JMJD1C: variants seen among roughly 807,000 people sequenced by gnomAD.
The protein encoded by JMJD1C is jumonji domain-containing protein 1C.
A neutral mutation model predicts 245.3 loss-of-function variants in JMJD1C; 31 were observed. The ratio of observed to expected loss-of-function variants is 0.13; its 90% CI spans 0.09 to 0.17. JMJD1C has a LOEUF of 0.17. Among genes scored for constraint, JMJD1C ranks in the 10% least tolerant of loss-of-function variants. The pLI is 1.00. For synonymous variants in JMJD1C, 1,057 were observed against 1,017.4 expected, an observed-to-expected ratio of 1.04 and a Z score of -0.74; for missense variants, 2,691 against 3,000.2, an observed-to-expected ratio of 0.90 and a Z score of 2.41.
At chr10:63,236,002 G>C (rs915056506) in intron 3 of JMJD1C, among the ~76,000 whole-genome samples, 1 of 152,000 alleles carries the variant, frequency 6.6e-6, no homozygotes, top group African/African-American at 2.4e-5. Context: ...GACTAGAAAT[G>C]GATATCATAA....
intron 2 of JMJD1C, among the ~76,000 whole-genome samples, chr10:63,288,898 TAATAATAATA>T (rs374155917): frequency 2.6e-5 from 2 of 78,428 alleles, no homozygotes; most frequent in African/African-American, 8.9e-5. Flanking sequence ...ACAATAATAA[TAATAATAATA>T]ATAATAATAA....
chr10:63,292,420 G>T (rs554367519), intron 2 of JMJD1C, among the ~76,000 whole-genome samples: 1 of 151,838 alleles, frequency 6.6e-6, no homozygotes, highest in East Asian at 1.9e-4. Flanking sequence ...AGACCAGCGT[G>T]GCCAACATGG....
intron 2 of JMJD1C, among the ~76,000 whole-genome samples, chr10:63,293,327 T>G (rs1403447093): frequency 6.6e-6 from 1 of 152,156 alleles, no homozygotes; most frequent in African/African-American, 2.4e-5. Flanking sequence ...ATAAGTAGTG[T>G]GTAGAACCAA....
intron 1 of JMJD1C, chr10:63,427,514 A>G: frequency 7.5e-7 from 1 of 1,338,258 alleles, no homozygotes; most frequent in Admixed American, 1.7e-5. Flanking sequence ...TTTCCTGCCA[A>G]TGTTCTTCAT....
At chr10:63,391,347 A>G (rs1253910484) in intron 1 of JMJD1C, among the ~76,000 whole-genome samples, 2 of 152,068 alleles carry the variant, frequency 1.3e-5, no homozygotes, top group Non-Finnish European at 2.9e-5. Flanking sequence ...CGTCTCTACT[A>G]AAAATACAAA....
chr10:63,249,697 A>G (rs1852776942), intron 3 of JMJD1C, among the ~76,000 whole-genome samples: 2 of 151,764 alleles, frequency 1.3e-5, no homozygotes, highest in South Asian at 4.2e-4. Context: ...CGTCTCTACT[A>G]AAAAATACAA....
chr10:63,457,191 G>A (rs1447576762), intron 1 of JMJD1C, among the ~76,000 whole-genome samples: 4 of 152,100 alleles, frequency 2.6e-5, no homozygotes, highest in Non-Finnish European at 5.9e-5. Flanking sequence ...TGAAAAGAAT[G>A]GAGACGGGAA....
At chr10:63,260,751 G>T (rs1854605706) in intron 3 of JMJD1C, among the ~76,000 whole-genome samples, 1 of 75,916 alleles carries the variant, frequency 1.3e-5, no homozygotes, top group Non-Finnish European at 4.3e-5. Flanking sequence ...CACCACGCCG[G>T]TTAATTTTTT....
At chr10:63,485,540 G>A (rs753629599) in intron 1 of JMJD1C, among the ~76,000 whole-genome samples, 1 of 151,970 alleles carries the variant, frequency 6.6e-6, no homozygotes, top group African/African-American at 2.4e-5. Flanking sequence ...GAGTGACATC[G>A]TATCCTAGAA....
intron 2 of JMJD1C, among the ~76,000 whole-genome samples, chr10:63,375,600 G>A (rs574531203): frequency 1.3e-5 from 2 of 151,914 alleles, no homozygotes; most frequent in South Asian, 4.2e-4. Flanking sequence ...ACCCAGGCTT[G>A]AGTGCAATGA....
intron 10 of JMJD1C, chr10:63,204,873 A>G: frequency 1.0e-6 from 1 of 985,390 alleles, no homozygotes; most frequent in Non-Finnish European, 1.2e-6. Context: ...CATGTGGGAA[A>G]ACCTCATTCA....
At chr10:63,173,922 C>A (rs1842633891) in intron 24 of JMJD1C, among the ~76,000 whole-genome samples, 1 of 151,890 alleles carries the variant, frequency 6.6e-6, no homozygotes, top group Admixed American at 6.6e-5. Context: ...ATACAGATGG[C>A]AAATGAAGAT....
At chr10:63,520,242 T>A (rs565571904) in intron 1 of JMJD1C, among the ~76,000 whole-genome samples, 1 of 152,166 alleles carries the variant, frequency 6.6e-6, no homozygotes, top group Non-Finnish European at 1.5e-5. Flanking sequence ...GTGCCTCATA[T>A]CACCCTTGAA....
intron 3 of JMJD1C, among the ~76,000 whole-genome samples, chr10:63,221,345 T>C (rs1848575887): frequency 6.6e-6 from 1 of 152,190 alleles, no homozygotes; most frequent in African/African-American, 2.4e-5. Flanking sequence ...GGCACTACTC[T>C]GTATTTTTAG....
chr10:63,342,747 C>G (rs1000105409), intron 2 of JMJD1C, among the ~76,000 whole-genome samples: 1 of 152,112 alleles, frequency 6.6e-6, no homozygotes, highest in South Asian at 2.1e-4. Flanking sequence ...GATTACTTAT[C>G]AATAGCATAT....
At chr10:63,367,603 T>C (rs1945963412) in intron 2 of JMJD1C, among the ~76,000 whole-genome samples, 1 of 152,134 alleles carries the variant, frequency 6.6e-6, no homozygotes, top group African/African-American at 2.4e-5. Context: ...CTAAGAAAAA[T>C]CTAACTTCAA....
intron 1 of JMJD1C, among the ~76,000 whole-genome samples, chr10:63,396,656 T>C (rs1948508662): frequency 6.6e-6 from 1 of 152,198 alleles, no homozygotes; most frequent in African/African-American, 2.4e-5. Flanking sequence ...GTTTAGGATA[T>C]GGAATCTTAT....
At chr10:63,519,082 G>C (rs1380056992) in intron 1 of JMJD1C, among the ~76,000 whole-genome samples, 1 of 152,206 alleles carries the variant, frequency 6.6e-6, no homozygotes, top group Non-Finnish European at 1.5e-5. Flanking sequence ...CACATAGTAG[G>C]TGGTTTCCAA....
At chr10:63,284,367 T>A (rs142982112) in intron 2 of JMJD1C, among the ~76,000 whole-genome samples, 1 of 152,120 alleles carries the variant, frequency 6.6e-6, no homozygotes, top group Admixed American at 6.6e-5. Flanking sequence ...GTGAATTAGA[T>A]TGAGCTTTGT....
Sources: gnomAD v4.1 joint callset for allele counts (sites outside exome capture counted in the v4.1 genomes callset) on GRCh38, gnomAD v4.1.1 for gene constraint, MANE v1.5 for transcripts, NCBI Gene and HGNC (gene_info 2026-07-23, HGNC 2026-07-21) for gene names.